The following PLXNA2 variants were observed in gnomAD, a reference collection of about 807,000 sequenced individuals.
PLXNA2 encodes the protein plexin A2.
PLXNA2 carries 91 observed loss-of-function variants against 193.5 expected under a neutral mutation model. The observed-to-expected ratio is 0.47, with a 90% CI of 0.40 to 0.56. The LOEUF (loss-of-function observed/expected upper bound fraction) is 0.56, where lower values mean the gene tolerates loss of function less well. Ranked by LOEUF, PLXNA2 falls within the 20% of genes least tolerant of loss-of-function variation. The probability of loss-of-function intolerance (pLI) is 0.00; values close to 1 mark genes in which losing one functional copy is unlikely to be tolerated. For synonymous variants in PLXNA2, 997 were observed against 1,027.3 expected, an observed-to-expected ratio of 0.97 and a Z score of 0.56; for missense variants, 1,995 against 2,503.2, an observed-to-expected ratio of 0.80 and a Z score of 4.33.
rs184908166 is a variant in PLXNA2 at position 208,236,512 on chromosome 1, G to A, written c.-81+7131C>T. Among the ~76,000 whole-genome samples the A allele has an allele frequency of 2.8e-3, 420 of 152,274 alleles. No individual in the cohort carries two copies. The highest frequency in any genetic ancestry group is 9.4e-3 in the African/African-American group (392 of 41,546). ...AACCTTCCACCCTCTCTCCCTTAAAGGGTGGAGCACACTGCCTGGCCGGCT... is the reference window on the plus strand; with the variant it reads ...AACCTTCCACCCTCTCTCCCTTAAAAGGTGGAGCACACTGCCTGGCCGGCT... On this transcript the variant is annotated intron_variant, in intron 1 of 31. Transcript: ENST00000367033. The surrounding 1 kb of genome is among the most constrained non-coding windows in gnomAD (Gnocchi z 4.4).
At chr1:208,095,075 T>A (rs1666836709) in intron 8 of PLXNA2, among the ~76,000 whole-genome samples, 1 of 152,142 alleles carries the variant, frequency 6.6e-6, no homozygotes, top group South Asian at 2.1e-4. Flanking sequence ...TCCGTAAACA[T>A]TCCGAATCAC....
At chr1:208,180,164 ATTT>A (rs11304771) in intron 3 of PLXNA2, among the ~76,000 whole-genome samples, 48 of 143,938 alleles carry the variant, frequency 3.3e-4, no homozygotes, top group Admixed American at 6.9e-4. Context: ...GGGGGCTTGT[ATTT>A]TTTTTTTTTT....
chr1:208,233,575 C>T (rs1201073550), intron 1 of PLXNA2, among the ~76,000 whole-genome samples: 1 of 152,214 alleles, frequency 6.6e-6, no homozygotes, highest in Non-Finnish European at 1.5e-5. Context: ...CCAGGTCAGC[C>T]ACAGCTGCCT....
intron 7 of PLXNA2, 89 bp from the exon 8 acceptor site, chr1:208,096,214 C>G: frequency 1.1e-6 from 1 of 947,456 alleles, no homozygotes; most frequent in Non-Finnish European, 1.7e-6. Context: ...AGTCATGAAG[C>G]CACCACAGGG....
In PLXNA2 at chr1:208,165,234, T is replaced by C. The variant is rs190928498; in HGVS notation, c.1372-22771A>G. 1.2e-3 allele frequency among the ~76,000 whole-genome samples: 180 copies of C among 152,310 alleles called. 3 individuals are homozygous for C. The highest frequency in any genetic ancestry group is 1.6e-4 in the Non-Finnish European group (11 of 68,030). On this transcript the variant is annotated intron_variant, in intron 3 of 31. Coordinates refer to ENST00000367033, the MANE Select transcript of PLXNA2 (RefSeq NM_025179.4). ...GGTGCACCCAAGCCCTCATTCATCT[T>C]ATAGCTTATGTTCTCTTACCCAGGA...
chr1:208,039,909 C>A, intron 23 of PLXNA2, 83 bp downstream of exon 23: 1 of 1,574,068 alleles, frequency 6.4e-7, no homozygotes, highest in Non-Finnish European at 8.7e-7. Context: ...GGGAGGGGGT[C>A]CCCATGCAGC....
intron 6 of PLXNA2, among the ~76,000 whole-genome samples, chr1:208,098,037 C>A (rs72739499): frequency 0.061 from 9,321 of 152,112 alleles, 366 homozygotes; most frequent in Middle Eastern, 0.17. Context: ...TATCAATACC[C>A]AGTGGTGTTA....
At chr1:208,068,890 T>G (rs1439647751) in intron 12 of PLXNA2, among the ~76,000 whole-genome samples, 2 of 152,240 alleles carry the variant, frequency 1.3e-5, no homozygotes, top group East Asian at 3.8e-4. Flanking sequence ...ATGGGACTTT[T>G]AAGTTGTGTT....
rs903584978 is a variant in PLXNA2, at chr1:208,025,655, G to T, written c.*1588C>A. On this transcript the variant is annotated 3_prime_UTR_variant, in exon 32 of 32. Coordinates refer to ENST00000367033, the MANE Select transcript of PLXNA2 (RefSeq NM_025179.4). ...CTCTGATGGCTATCCTGGCCACCAA[G>T]GTCCTGACACTCACAGAGCGCCTTT... 3.3e-5 allele frequency: 5 copies of T among 152,254 alleles called. No homozygotes were observed. The highest frequency in any genetic ancestry group is 1.3e-4 in the Admixed American group (2 of 15,268). The allele number at this position is 152,254 out of a possible 1,614,324, so 9.4% of individuals were successfully genotyped here. A position where few individuals can be genotyped will look rare whatever the true frequency, so the allele number is the denominator to read the frequency against.
chr1:208,127,158 A>C (rs1411825369), intron 4 of PLXNA2, among the ~76,000 whole-genome samples: 2 of 152,186 alleles, frequency 1.3e-5, no homozygotes, highest in African/African-American at 4.8e-5. Flanking sequence ...GGCAATGAAA[A>C]CTTTGGGAAG....
intron 3 of PLXNA2, among the ~76,000 whole-genome samples, chr1:208,173,934 C>T (rs1340243873): frequency 6.6e-6 from 1 of 152,232 alleles, no homozygotes; most frequent in African/African-American, 2.4e-5. Flanking sequence ...CATGCGGGTA[C>T]CAGGATGCTG....
At chr1:208,116,866 T>G (rs1667653380) in intron 4 of PLXNA2, among the ~76,000 whole-genome samples, 1 of 152,102 alleles carries the variant, frequency 6.6e-6, no homozygotes, top group African/African-American at 2.4e-5. Flanking sequence ...CTGACCCAGA[T>G]GAATGGAATG....
intron 9 of PLXNA2, among the ~76,000 whole-genome samples, chr1:208,092,459 A>C (rs1666748201): frequency 6.6e-6 from 1 of 152,224 alleles, no homozygotes; most frequent in Non-Finnish European, 1.5e-5. Flanking sequence ...AATAAATGCC[A>C]TTCACTACAC....
At chr1:208,141,695 CTCTCTCTGCATTTGCCT>C (rs1668460645) in intron 4 of PLXNA2, among the ~76,000 whole-genome samples, 1 of 152,290 alleles carries the variant, frequency 6.6e-6, no homozygotes, top group African/African-American at 2.4e-5. Flanking sequence ...TTCACCATGG[CTCTCTCTGCATTTGCCT>C]TCTCTCTACT....
rs868709697 is a variant in PLXNA2 at position 208,044,543 on chromosome 1, T to C, written c.3839A>G (p.Asn1280Ser). Residue 1280 changes from asparagine to serine, a missense_variant, in exon 20 of 32, where the codon AAT becomes AGT. Asn to Ser is a conservative substitution (Grantham distance 46). Around this residue, in one of 3 missense-constraint regions of PLXNA2, gnomAD observed 1,291 missense variants for 1,673.6 expected, o/e 0.77. Transcript: ENST00000367033. This position sits in a 1 kb window ranked among gnomAD's most constrained non-coding sequence, Gnocchi z 4.9. The part of the protein sequence containing the change: ...TLKRLQMQMD[N>S]LESRVALECK... ...CTCCAAGGCCACACGGGACTCCAGATTGTCCATCTGCATTTGCAGCCGCTT... is the reference window on the plus strand; with the variant it reads ...CTCCAAGGCCACACGGGACTCCAGACTGTCCATCTGCATTTGCAGCCGCTT... 3 of 1,614,154 alleles carry C rather than the reference T, an allele frequency of 1.9e-6. No homozygotes were observed. The highest frequency in any genetic ancestry group is 2.5e-6 in the Non-Finnish European group (3 of 1,179,998).
intron 3 of PLXNA2, among the ~76,000 whole-genome samples, chr1:208,197,101 A>T (rs1034149220): frequency 6.6e-6 from 1 of 152,234 alleles, no homozygotes; most frequent in Non-Finnish European, 1.5e-5. Context: ...CGTACTTAGT[A>T]AATAGTAGAG....
At chr1:208,080,988 C>A (rs938074714) in intron 11 of PLXNA2, among the ~76,000 whole-genome samples, 3 of 152,236 alleles carry the variant, frequency 2.0e-5, no homozygotes, top group African/African-American at 7.2e-5. Context: ...CAGAGACACT[C>A]AGGCTAGTGG....
chr1:208,154,829 C>A lies in PLXNA2; in HGVS notation c.1372-12366G>T, dbSNP rs147438378. On this transcript the variant is annotated intron_variant, in intron 3 of 31. Coordinates refer to ENST00000367033, the MANE Select transcript of PLXNA2 (RefSeq NM_025179.4). The stretch of plus-strand genomic sequence containing the variant: ...GCCAAGGGAGTTAATTCTCACTTTC[C>A]TCATCTACAAAACTGGTAACACAAC... Among the ~76,000 whole-genome samples the A allele has an allele frequency of 1.9e-3, 296 of 152,352 alleles. 2 individuals carry two copies. Among genetic ancestry groups the A allele is most frequent in the Non-Finnish European group, 2.6e-3 (180 of 68,032 alleles).
chr1:208,033,581 C>T, intron 27 of PLXNA2, 72 bp from the exon 28 acceptor site: 1 of 1,262,708 alleles, frequency 7.9e-7, no homozygotes, highest in Admixed American at 2.3e-5. Flanking sequence ...CTTCCAGAAT[C>T]CCTGCCCGCC....
Sources: allele counts gnomAD v4.1 joint callset (sites outside exome capture counted in the v4.1 genomes callset), GRCh38; gene constraint gnomAD v4.1.1; regional missense constraint gnomAD v4.1.1; non-coding constraint Gnocchi (gnomAD v3.1); transcripts MANE v1.5; gene names NCBI Gene and HGNC (gene_info 2026-07-23, HGNC 2026-07-21).